Variants in XRCC3 observed in about 807,000 individuals in gnomAD.
XRCC3 encodes X-ray repair cross complementing 3.
A neutral mutation model predicts 29.2 loss-of-function variants in XRCC3; 34 were observed. The ratio of observed to expected loss-of-function variants is 1.16; its 90% CI spans 0.88 to 1.55. The LOEUF is 1.55. XRCC3 is among the 40% of genes most tolerant of loss of function. The pLI is 0.00. For missense variants in XRCC3, 463 were observed against 467.6 expected (o/e 0.99, Z 0.09); for synonymous variants, 223 against 211.3 (o/e 1.06, Z -0.48).
Position 103,700,663 on chromosome 14 carries a change from T to G in XRCC3, c.562-1087A>C. The G allele has an allele frequency of 3.1e-6, 5 of 1,607,402 alleles. No individual in the cohort carries two copies. In the South Asian group the frequency reaches 5.5e-5, roughly 18 times the overall value. ...CTGTGCTTCATCTCCAGGGCGTCTC[T>G]GGCCGAGCCTCTTTTTGTGGAAAAC... On this transcript the variant is annotated intron_variant, in intron 7 of 9. Coordinates refer to ENST00000555055, the MANE Select transcript of XRCC3 (RefSeq NM_005432.4).
At chr14:103,703,651 C>G (rs900466025) in intron 6 of XRCC3, 2 of 401,748 alleles carry the variant, frequency 5.0e-6, no homozygotes, top group South Asian at 2.2e-5. Flanking sequence ...CCTCCTTCCC[C>G]CTGTGAACCT....
At chr14:103,702,432 G>A (rs1305586533) in intron 7 of XRCC3, 1 of 152,732 alleles carries the variant, frequency 6.5e-6, no homozygotes, top group Non-Finnish European at 1.5e-5. Context: ...TGGAGAGCAG[G>A]TCGCATCCTT....
rs2082666197 is a variant in XRCC3, at chr14:103,697,635, A to G, written c.*1163T>C. 1 of 151,488 alleles carries G rather than the reference A, an allele frequency of 6.6e-6. No individual in the cohort carries two copies. The highest frequency in any genetic ancestry group is 1.5e-5 in the Non-Finnish European group (1 of 67,950). The allele number at this position is 151,488 out of a possible 1,614,324, so 9.4% of individuals were successfully genotyped here. ...CTGGAACTGCATCCATTGAACATTTATTTGTCAAAGGCCTGGTCTGTGCCA... is the reference window on the plus strand; with the variant it reads ...CTGGAACTGCATCCATTGAACATTTGTTTGTCAAAGGCCTGGTCTGTGCCA... On this transcript the variant is annotated 3_prime_UTR_variant, in exon 10 of 10. Transcript: ENST00000555055.
intron 4 of XRCC3, 149 bp downstream of exon 4, chr14:103,710,884 C>CA: frequency 1.6e-6 from 1 of 609,632 alleles, no homozygotes; most frequent in Non-Finnish European, 2.9e-6. Flanking sequence ...ACACACACAC[C>CA]TGAAAATCCC....
At chr14:103,703,722 G>A (rs1008065654) in intron 6 of XRCC3, 6 of 298,832 alleles carry the variant, frequency 2.0e-5, no homozygotes, top group South Asian at 1.9e-4. Context: ...TTCTGGAAAT[G>A]GCCCCTGAGC....
rs559237104 is a variant in XRCC3, at chr14:103,708,314, T to A, written c.193+208A>T. 4 of 709,150 alleles carry A rather than the reference T, an allele frequency of 5.6e-6. No homozygotes were observed. In the South Asian group the frequency reaches 7.0e-5, roughly 12 times the overall value. 43.9% of individuals were successfully genotyped at this position (709,150 alleles called of 1,614,324 possible). A position where few individuals can be genotyped will look rare whatever the true frequency, so the allele number is the denominator to read the frequency against. ...TCCCCAGGAGGTCCCACAGCCCGTG[T>A]CCACCTCACGCATCTTCTGACCCGA... On this transcript the variant is annotated intron_variant, in intron 5 of 9. Transcript: ENST00000555055.
chr14:103,708,764 T>G, intron 4 of XRCC3, 105 bp from the exon 5 acceptor site: 1 of 1,485,252 alleles, frequency 6.7e-7, no homozygotes. Context: ...AGCACCGTGC[T>G]TCCGATTCTG....
chr14:103,707,003 C>T lies in XRCC3; in HGVS notation c.406G>A (p.Gly136Arg). The change falls in exon 6 of 10, where the codon GGA becomes AGA. Residue 136 changes from glycine (G) to arginine (R), a missense_variant and splice_region_variant. Gly to Arg is a moderately radical substitution (Grantham distance 125). Transcript: ENST00000555055. ...CCCCACGGAAGGGGTGGCCACTCACCAGCCTCCAGGCCTCCGTGCTGCCGC... is the reference window on the plus strand; with the variant it reads ...CCCCACGGAAGGGGTGGCCACTCACTAGCCTCCAGGCCTCCGTGCTGCCGC... ...FPRQHGGLEA[G>R]AVYICTEDAF... 6.4e-7 allele frequency: 1 copy of T among 1,552,806 alleles called. No individual in the cohort carries two copies. The highest frequency in any genetic ancestry group is 8.7e-7 in the Non-Finnish European group (1 of 1,154,144).
intron 7 of XRCC3, chr14:103,701,292 C>T: frequency 6.6e-6 from 9 of 1,369,588 alleles, no homozygotes; most frequent in Non-Finnish European, 9.1e-6. Flanking sequence ...GGGCCCCTGG[C>T]CGGGAGCCGC....
chr14:103,708,718 CA>C (rs2151940485), intron 4 of XRCC3, 59 bp from the exon 5 acceptor site: 1 of 1,609,668 alleles, frequency 6.2e-7, no homozygotes, highest in African/African-American at 1.3e-5. Context: ...CAGGGCAACA[CA>C]GTGACAAAAG....
At chr14:103,700,910 G>T (rs1252508889) in intron 7 of XRCC3, among the ~76,000 whole-genome samples, 1 of 152,346 alleles carries the variant, frequency 6.6e-6, no homozygotes, top group East Asian at 1.9e-4. Context: ...GGGCCACAGA[G>T]TGGGGGGGTG....
rs1567048007 is a variant in XRCC3, at chr14:103,699,101, CA to C, written c.821+31del. 3 of 1,568,264 alleles carry C rather than the reference CA, an allele frequency of 1.9e-6. No homozygotes were observed. In the South Asian group the frequency reaches 3.5e-5, roughly 18 times the overall value. On this transcript the variant is annotated intron_variant, in intron 9 of 9. Coordinates refer to ENST00000555055, the MANE Select transcript of XRCC3 (RefSeq NM_005432.4). ...CCCAGCTGTGCCCCTGGCACCTGCA[CA>C]GAGGTGCACACACCACATGGCTGCA...
chr14:103,707,824 G>A (rs1027761759), intron 5 of XRCC3: 31 of 186,936 alleles, frequency 1.7e-4, no homozygotes, highest in Non-Finnish European at 7.9e-5. Context: ...GGCCTGGGCC[G>A]GGAGGAGCAG....
intron 1 of XRCC3, 167 bp from the exon 2 acceptor site, chr14:103,713,098 GT>G (rs1316422874): frequency 6.6e-6 from 1 of 152,408 alleles, no homozygotes. Flanking sequence ...GCCCCTGGGG[GT>G]TCCTCTTAGC....
At position 103,707,024 on chromosome 14, in the gene XRCC3, G is replaced by T; in HGVS notation, c.385C>A (p.Gln129Lys). ...QLCLAVQFPR[Q>K]HGGLEAGAVY... ...TCACCAGCCTCCAGGCCTCCGTGCT[G>T]CCGCGGGAACTGCACAGCCAGGCAG... The change falls in exon 6 of 10, where the codon CAG becomes AAG. Residue 129 changes from glutamine (Q) to lysine (K), a missense_variant. Physicochemically the swap from Gln to Lys is moderately conservative, Grantham distance 53 (BLOSUM62 1). Coordinates refer to ENST00000555055, the MANE Select transcript of XRCC3 (RefSeq NM_005432.4). The T allele has an allele frequency of 6.4e-7, 1 of 1,562,824 alleles. No homozygotes were observed. The highest frequency in any genetic ancestry group is 1.8e-5 in the Admixed American group (1 of 54,202).
Position 103,708,580 on chromosome 14 carries a change from C to A in XRCC3, c.135G>T (p.Glu45Asp). 1.2e-6 allele frequency: 2 copies of A among 1,614,160 alleles called. No individual in the cohort carries two copies. The highest frequency in any genetic ancestry group is 2.2e-5 in the South Asian group (2 of 91,086). Residue 45 changes from glutamate to aspartate, a missense_variant, in exon 5 of 10, where the codon GAG becomes GAT. Transcript: ENST00000555055. ...AGGCCGTTCTCAGCAAGTGCCAGAC[C>A]TCGGGGCTGGAGAGGTTGGTCAGTC... Reference protein sequence around the residue: ...LKRLTNLSSPEVWHLLRTASL... With the variant: ...LKRLTNLSSPDVWHLLRTASL...
At chr14:103,712,207 G>C (rs962832926) in intron 2 of XRCC3, 1 of 170,400 alleles carries the variant, frequency 5.9e-6, no homozygotes, top group Non-Finnish European at 1.3e-5. Flanking sequence ...TTTCCTGCCC[G>C]CGCACCAGGC....
chr14:103,698,871 A>T lies in XRCC3; in HGVS notation c.968T>A (p.Leu323Gln), dbSNP rs1479692092. The T allele has an allele frequency of 6.2e-7, 1 of 1,607,200 alleles. No individual in the cohort carries two copies. Among genetic ancestry groups the T allele is most frequent in the African/African-American group, 1.3e-5 (1 of 74,960 alleles). Reference protein sequence around the residue: ...RTLRVLSAPHLPPSSCSYTIS... With the variant: ...RTLRVLSAPHQPPSSCSYTIS... The stretch of plus-strand genomic sequence containing the variant: ...CGTGTAGGAACAGGAGGAGGGGGGC[A>T]GGTGGGGGGCAGAGAGCACCCGCAG... The change falls in exon 10 of 10, where the codon CTG (leucine) becomes CAG (glutamine). Residue 323 changes from leucine to glutamine, a missense_variant. By Grantham distance (113) the Leu-to-Gln change is moderately radical. Coordinates refer to ENST00000555055, the MANE Select transcript of XRCC3 (RefSeq NM_005432.4).
In XRCC3 at chr14:103,711,488, C is replaced by T. The variant is rs774462522; in HGVS notation, c.-181G>A. ...CACCTCTCTGGGGCTTGGGGATGAC[C>T]CGCGTGTTTTTGGCTGACTTGACTG... On this transcript the variant is annotated 5_prime_UTR_variant, in exon 3 of 10. Transcript: ENST00000555055. The T allele has an allele frequency of 4.2e-6, 2 of 477,078 alleles. No homozygotes were observed. Among genetic ancestry groups the T allele is most frequent in the Non-Finnish European group, 8.3e-6 (2 of 241,214 alleles). The allele number at this position is 477,078 out of a possible 1,614,324, so 29.6% of individuals were successfully genotyped here. A position where few individuals can be genotyped will look rare whatever the true frequency, so the allele number is the denominator to read the frequency against.
Sources: allele counts gnomAD v4.1 joint callset (sites outside exome capture counted in the v4.1 genomes callset), GRCh38; gene constraint gnomAD v4.1.1; transcripts MANE v1.5; gene names NCBI Gene and HGNC (gene_info 2026-07-23, HGNC 2026-07-21).